The following TRDN variants were observed in gnomAD, a reference collection of about 807,000 sequenced individuals.
TRDN encodes triadin.
In TRDN, 161 loss-of-function variants were observed where a neutral mutation model predicts 149.7. The ratio of observed to expected loss-of-function variants is 1.08; its 90% CI spans 0.95 to 1.23. TRDN has a LOEUF of 1.23. Ranked by LOEUF, TRDN falls within the 50% of genes most tolerant of loss-of-function variation. The probability of loss-of-function intolerance (pLI) is 0.00; values close to 1 mark genes in which losing one functional copy is unlikely to be tolerated. For missense variants in TRDN, 896 were observed against 823.5 expected (o/e 1.09, Z -1.08); for synonymous variants, 294 against 250.5 (o/e 1.17, Z -1.64).
chr6:123,512,204 A>C, intron 7 of TRDN, 99 bp downstream of exon 7: 1 of 661,956 alleles, frequency 1.5e-6, no homozygotes, highest in Non-Finnish European at 2.5e-6. Context: ...TTTAATATAA[A>C]TGATAAAAGT....
At chr6:123,248,394 T>C (rs1776258928) in intron 38 of TRDN, among the ~76,000 whole-genome samples, 1 of 151,816 alleles carries the variant, frequency 6.6e-6, no homozygotes, top group Admixed American at 6.6e-5. Context: ...CTGTCTCTAC[T>C]GAACATACAA....
At chr6:123,430,452 T>C (rs939364612) in intron 12 of TRDN, among the ~76,000 whole-genome samples, 3 of 151,474 alleles carry the variant, frequency 2.0e-5, no homozygotes, top group East Asian at 3.9e-4. Context: ...CATGGTGGCA[T>C]GTGCCTGTAG....
chr6:123,308,222 T>C (rs9388212), intron 24 of TRDN, among the ~76,000 whole-genome samples: 27,956 of 151,950 alleles, frequency 0.18, 3,647 homozygotes, highest in East Asian at 0.68. Context: ...TAGTATTCCA[T>C]CATGTAGTTG....
At chr6:123,278,857 TA>T (rs1338206388) in intron 25 of TRDN, among the ~76,000 whole-genome samples, 198 bp downstream of exon 25, 5 of 152,146 alleles carry the variant, frequency 3.3e-5, no homozygotes, top group Non-Finnish European at 5.9e-5. Context: ...GAATAAAAGA[TA>T]AAGGAAAATT....
intron 5 of TRDN, chr6:123,528,556 C>A (rs9401680): frequency 0.22 from 179,117 of 831,814 alleles, 20,861 homozygotes; most frequent in East Asian, 0.63. Flanking sequence ...AATACTGTAT[C>A]TTTTCTTCTA....
At chr6:123,346,710 C>T (rs9388228) in intron 21 of TRDN, among the ~76,000 whole-genome samples, 105,106 of 151,756 alleles carry the variant, frequency 0.69, 37,881 homozygotes, top group East Asian at 0.85. Context: ...AAAGATAAAC[C>T]ATATTATATT....
intron 38 of TRDN, among the ~76,000 whole-genome samples, chr6:123,251,177 T>G (rs1433038568): frequency 6.6e-6 from 1 of 152,106 alleles, no homozygotes; most frequent in African/African-American, 2.4e-5. Flanking sequence ...TTTCCTTTTT[T>G]TAAATTCCTG....
intron 1 of TRDN, among the ~76,000 whole-genome samples, chr6:123,600,177 C>G (rs1784217754): frequency 6.6e-6 from 1 of 151,948 alleles, no homozygotes; most frequent in Admixed American, 6.6e-5. Context: ...GAAATGAACC[C>G]CTTTGTGCCC....
intron 12 of TRDN, among the ~76,000 whole-genome samples, chr6:123,400,332 G>T (rs2114482321): frequency 6.6e-6 from 1 of 151,826 alleles, no homozygotes; most frequent in Non-Finnish European, 1.5e-5. Context: ...CAACATTTTT[G>T]GCACCAGGGC....
intron 17 of TRDN, 50 bp from the exon 18 acceptor site, chr6:123,377,792 T>A: frequency 6.2e-7 from 1 of 1,609,898 alleles, no homozygotes; most frequent in Non-Finnish European, 8.5e-7. Flanking sequence ...GTCATTCAAT[T>A]GTAATTCAGT....
chr6:123,527,971 A>AT (rs1780033483), intron 5 of TRDN, among the ~76,000 whole-genome samples: 1 of 151,938 alleles, frequency 6.6e-6, no homozygotes, highest in Non-Finnish European at 1.5e-5. Context: ...TAAAAACATA[A>AT]TAAGTATTCA....
chr6:123,264,441 G>A (rs934508037), intron 33 of TRDN, among the ~76,000 whole-genome samples: 8 of 152,216 alleles, frequency 5.3e-5, no homozygotes, highest in Admixed American at 2.0e-4. Flanking sequence ...TTGAACAGAC[G>A]AGGAGTTATT....
At chr6:123,618,493 T>C (rs896328678) in intron 1 of TRDN, among the ~76,000 whole-genome samples, 3 of 152,012 alleles carry the variant, frequency 2.0e-5, no homozygotes, top group Non-Finnish European at 4.4e-5. Context: ...CCGCTCGAGG[T>C]TCTTAATAAA....
intron 1 of TRDN, among the ~76,000 whole-genome samples, chr6:123,623,160 T>C (rs1785482097): frequency 2.6e-5 from 4 of 152,106 alleles, no homozygotes; most frequent in Admixed American, 2.6e-4. Context: ...TGTATTTCCC[T>C]GAGGTTATTG....
intron 23 of TRDN, among the ~76,000 whole-genome samples, chr6:123,322,188 T>C (rs907017609): frequency 2.0e-5 from 3 of 152,202 alleles, no homozygotes; most frequent in Admixed American, 2.0e-4. Flanking sequence ...AATCCTTCCA[T>C]GCATAATGAA....
chr6:123,254,752 TC>T (rs2114575806), intron 37 of TRDN, among the ~76,000 whole-genome samples: 1 of 152,114 alleles, frequency 6.6e-6, no homozygotes, highest in East Asian at 1.9e-4. Context: ...TAAAAATAAA[TC>T]CCAGTAATAT....
intron 1 of TRDN, among the ~76,000 whole-genome samples, chr6:123,633,141 T>C (rs191538152): frequency 1.8e-3 from 269 of 152,188 alleles, no homozygotes; most frequent in Middle Eastern, 0.014. Flanking sequence ...TAAAAAGCTT[T>C]CTTGAACTAA....
chr6:123,381,278 G>T, intron 16 of TRDN, 92 bp downstream of exon 16: 1 of 1,200,186 alleles, frequency 8.3e-7, no homozygotes, highest in Non-Finnish European at 1.2e-6. Context: ...CATAGGAAAA[G>T]CGGATTCAAA....
Position 123,517,935 on chromosome 6 carries a change from T to C in TRDN, c.485-1729A>G, listed in dbSNP as rs182455160. On this transcript the variant is annotated intron_variant, in intron 5 of 40. Transcript: ENST00000334268. ...AATGAAATCCTTAGGGGCTACATCA[T>C]ATTTATTTTATTTTTTTACATTTCC... Among the ~76,000 whole-genome samples, 6 of 152,254 alleles carry C rather than the reference T, an allele frequency of 3.9e-5. No individual in the cohort carries two copies. In the East Asian group the frequency reaches 1.2e-3, roughly 29 times the overall value.
Sources: gnomAD v4.1 joint callset for allele counts (sites outside exome capture counted in the v4.1 genomes callset) on GRCh38, gnomAD v4.1.1 for gene constraint, MANE v1.5 for transcripts, NCBI Gene and HGNC (gene_info 2026-07-23, HGNC 2026-07-21) for gene names.